The following RALYL variants were observed in gnomAD, a reference collection of about 807,000 sequenced individuals.
The protein encoded by RALYL is RALY RNA binding protein like, also known as RNA-binding Raly-like protein.
RALYL carries 29 observed loss-of-function variants against 35.1 expected under a neutral mutation model. The observed-to-expected ratio is 0.83, with a 90% CI of 0.61 to 1.13. RALYL has a LOEUF of 1.13. RALYL is among the 50% of genes most tolerant of loss of function. The pLI, the probability that RALYL is intolerant of heterozygous loss-of-function variation, is 0.00. For missense variants in RALYL, 359 were observed against 360.4 expected, an observed-to-expected ratio of 1.00 and a Z score of 0.03; for synonymous variants, 120 against 127.6, an observed-to-expected ratio of 0.94 and a Z score of 0.40.
At chr8:84,631,578 G>A (rs1823914288) in intron 2 of RALYL, among the ~76,000 whole-genome samples, 1 of 151,376 alleles carries the variant, frequency 6.6e-6, no homozygotes, top group Non-Finnish European at 1.5e-5. Context: ...GGTAGCTTCA[G>A]AAGGTAAACA....
intron 2 of RALYL, among the ~76,000 whole-genome samples, chr8:84,764,752 T>C (rs1013180214): frequency 6.6e-6 from 1 of 152,204 alleles, no homozygotes; most frequent in African/African-American, 2.4e-5. Flanking sequence ...CACAATTCAG[T>C]GACTGCCCAG....
At chr8:84,308,707 T>A (rs1842251994) in intron 1 of RALYL, among the ~76,000 whole-genome samples, 1 of 152,168 alleles carries the variant, frequency 6.6e-6, no homozygotes, top group African/African-American at 2.4e-5. Flanking sequence ...TATTTTTAAA[T>A]TTAAAGAATA....
chr8:84,417,513 G>T (rs2044853952), intron 1 of RALYL, among the ~76,000 whole-genome samples: 1 of 151,870 alleles, frequency 6.6e-6, no homozygotes, highest in Non-Finnish European at 1.5e-5. Context: ...AGCAAAGAAA[G>T]ATATCCAGCC....
At chr8:84,811,092 C>CTT (rs1471106853) in intron 4 of RALYL, among the ~76,000 whole-genome samples, 1 of 151,324 alleles carries the variant, frequency 6.6e-6, no homozygotes, top group African/African-American at 2.4e-5. Flanking sequence ...TTAACTTATA[C>CTT]TTTTGTTTTC....
intron 7 of RALYL, among the ~76,000 whole-genome samples, chr8:84,878,811 A>G (rs1051552582): frequency 6.6e-6 from 1 of 152,122 alleles, no homozygotes; most frequent in African/African-American, 2.4e-5. Context: ...CAGAAATGGA[A>G]AATAGGGGAA....
intron 1 of RALYL, among the ~76,000 whole-genome samples, chr8:84,239,832 T>C (rs1285372674): frequency 6.6e-6 from 1 of 152,020 alleles, no homozygotes; most frequent in African/African-American, 2.4e-5. Flanking sequence ...CAGAGGCTAC[T>C]GTGAAGCCGA....
At chr8:84,874,363 T>C (rs1451201140) in intron 7 of RALYL, among the ~76,000 whole-genome samples, 1 of 152,166 alleles carries the variant, frequency 6.6e-6, no homozygotes, top group Non-Finnish European at 1.5e-5. Flanking sequence ...CTCAGGAAAG[T>C]AAATCGATTT....
chr8:84,564,249 A>G (rs894638611), intron 2 of RALYL, among the ~76,000 whole-genome samples: 4 of 151,728 alleles, frequency 2.6e-5, no homozygotes, highest in Non-Finnish European at 5.9e-5. Context: ...ACTATGAAAT[A>G]GAAGTCTTAG....
intron 1 of RALYL, among the ~76,000 whole-genome samples, chr8:84,409,002 C>T (rs2043838472): frequency 6.6e-6 from 1 of 151,998 alleles, no homozygotes; most frequent in African/African-American, 2.4e-5. Flanking sequence ...TAACTTTAGT[C>T]ATCCTGATAT....
chr8:84,666,118 C>T (rs1274106607), intron 2 of RALYL, among the ~76,000 whole-genome samples: 2 of 151,916 alleles, frequency 1.3e-5, no homozygotes, highest in Non-Finnish European at 2.9e-5. Context: ...GATAACAGCT[C>T]TTTGATTCTG....
At chr8:84,471,677 A>G (rs2052773836) in intron 1 of RALYL, among the ~76,000 whole-genome samples, 1 of 152,236 alleles carries the variant, frequency 6.6e-6, no homozygotes. Context: ...TATCTAATGC[A>G]AACTTCATTA....
rs1231993293 is a variant in RALYL, at chr8:84,452,473, C to T, written c.-23-76826C>T. ...TTATGAAAGTCCAATAATATATTTT[C>T]TTTTTGTCTATATTAGGAAACTTTT... On this transcript the variant is annotated intron_variant, in intron 1 of 8. Transcript: ENST00000521268. Among the ~76,000 whole-genome samples the T allele has an allele frequency of 2.0e-5, 3 of 151,786 alleles. No individual in the cohort carries two copies. In the East Asian group the frequency reaches 5.8e-4, roughly 29 times the overall value.
At chr8:84,573,240 CT>C (rs1808468685) in intron 2 of RALYL, among the ~76,000 whole-genome samples, 1 of 151,330 alleles carries the variant, frequency 6.6e-6, no homozygotes, top group African/African-American at 2.4e-5. Flanking sequence ...TTCTAGGGTT[CT>C]TTTCTTTCCA....
chr8:84,654,639 T>C (rs1829600672), intron 2 of RALYL, among the ~76,000 whole-genome samples: 1 of 152,068 alleles, frequency 6.6e-6, no homozygotes, highest in South Asian at 2.1e-4. Flanking sequence ...AGGAGTTCAA[T>C]TGTTTTAATA....
At chr8:84,349,335 G>T (rs756955533) in intron 1 of RALYL, among the ~76,000 whole-genome samples, 4 of 150,438 alleles carry the variant, frequency 2.7e-5, no homozygotes, top group Non-Finnish European at 5.9e-5. Context: ...AACTTGTATT[G>T]TGAATTTTCA....
At chr8:84,774,505 A>T in intron 2 of RALYL, 74 bp from the exon 3 acceptor site, 1 of 963,948 alleles carries the variant, frequency 1.0e-6, no homozygotes, top group South Asian at 1.5e-5. Context: ...AAAGAAAAAT[A>T]AAAGTTCATG....
chr8:84,626,715 T>G (rs1388392281), intron 2 of RALYL, among the ~76,000 whole-genome samples: 1 of 152,180 alleles, frequency 6.6e-6, no homozygotes, highest in Non-Finnish European at 1.5e-5. Context: ...CTTTGTTAAG[T>G]CTGAATCAAA....
chr8:84,411,501 T>G (rs556257881), intron 1 of RALYL, among the ~76,000 whole-genome samples: 2 of 152,002 alleles, frequency 1.3e-5, no homozygotes, highest in South Asian at 4.1e-4. Context: ...TTTACTTTTT[T>G]TTTTCCTGGT....
chr8:84,793,772 A>C (rs1337813851), intron 3 of RALYL, among the ~76,000 whole-genome samples: 1 of 152,178 alleles, frequency 6.6e-6, no homozygotes. Context: ...GCCAAGATTT[A>C]ATGCCTTCAG....
Sources: gnomAD v4.1 joint callset for allele counts (sites outside exome capture counted in the v4.1 genomes callset) on GRCh38, gnomAD v4.1.1 for gene constraint, MANE v1.5 for transcripts, NCBI Gene and HGNC (gene_info 2026-07-23, HGNC 2026-07-21) for gene names.